Variants in NUCKS1 observed in about 807,000 individuals in gnomAD.
NUCKS1 encodes nuclear casein kinase and cyclin dependent kinase substrate 1.
In NUCKS1, 2 loss-of-function variants were observed where a neutral mutation model predicts 33.0. The ratio of observed to expected loss-of-function variants is 0.06; its 90% CI spans 0.02 to 0.19. The LOEUF (loss-of-function observed/expected upper bound fraction) is 0.19, where lower values mean the gene tolerates loss of function less well. Ranked by LOEUF, NUCKS1 falls within the 10% of genes least tolerant of loss-of-function variation. The pLI, the probability that NUCKS1 is intolerant of heterozygous loss-of-function variation, is 1.00. For synonymous variants in NUCKS1, 106 were observed against 102.8 expected, an observed-to-expected ratio of 1.03 and a Z score of -0.19; for missense variants, 201 against 293.6, an observed-to-expected ratio of 0.68 and a Z score of 2.31.
intron 1 of NUCKS1, among the ~76,000 whole-genome samples, chr1:205,738,226 T>G (rs973910627): frequency 6.6e-6 from 1 of 151,936 alleles, no homozygotes; most frequent in Non-Finnish European, 1.5e-5. Context: ...CAGGGTTCCA[T>G]CATGTTGGCC....
Position 205,718,155 on chromosome 1 carries a change from G to T in NUCKS1, c.*125C>A. ...CAACAAATGGAAAAAAGCACTGAAA[G>T]CCCATGAGTCAAGCCATAGCCAAAA... On this transcript the variant is annotated 3_prime_UTR_variant, in exon 7 of 7. Transcript: ENST00000367142. 1 of 1,315,700 alleles carries T rather than the reference G, an allele frequency of 7.6e-7. No homozygotes were observed. Among genetic ancestry groups the T allele is most frequent in the African/African-American group, 1.5e-5 (1 of 64,994 alleles). 81.5% of individuals were successfully genotyped at this position (1,315,700 alleles called of 1,614,324 possible).
chr1:205,736,785 C>T (rs1194602629), intron 1 of NUCKS1, among the ~76,000 whole-genome samples: 1 of 151,152 alleles, frequency 6.6e-6, no homozygotes, highest in Non-Finnish European at 1.5e-5. Flanking sequence ...GAGCCGAGAT[C>T]ACGCCACTGC....
At chr1:205,730,719 G>A (rs1308265824) in intron 1 of NUCKS1, among the ~76,000 whole-genome samples, 2 of 151,908 alleles carry the variant, frequency 1.3e-5, no homozygotes, top group African/African-American at 2.4e-5. Context: ...CCCTGATCTC[G>A]TGATCCGCCC....
chr1:205,719,537 T>C lies in NUCKS1; in HGVS notation c.522A>G (p.Leu174=). 1 of 1,598,664 alleles carries C rather than the reference T, an allele frequency of 6.3e-7. No individual in the cohort carries two copies. Among genetic ancestry groups the C allele is most frequent in the Non-Finnish European group, 8.5e-7 (1 of 1,176,726 alleles). Residue 174 remains leucine (L), a synonymous_variant, in exon 6 of 7, where the codon CTA becomes CTG. Coordinates refer to ENST00000367142, the MANE Select transcript of NUCKS1 (RefSeq NM_022731.5). The stretch of plus-strand genomic sequence containing the variant: ...TTCTGCAGAAATTACCTGTAGCCTT[T>C]AGTCTGGGTTTGGGCATTTTCTTTT... ...RKEKKMPKPR[L]KATVTPSPVK...
rs768834692 is a variant in NUCKS1 at position 205,718,436 on chromosome 1, G to A, written c.576C>T (p.Pro192=). The A allele has an allele frequency of 6.8e-6, 11 of 1,612,240 alleles. No individual in the cohort carries two copies. The South Asian group carries it at 1.1e-4, about 16-fold the overall frequency. The change falls in exon 7 of 7, where the codon CCC becomes CCT. Residue 192 remains proline, a synonymous_variant. Transcript: ENST00000367142. ...PVKGKGKVGR[P]TASKASKEKT... ...TTTCCTTTGATGCCTTTGAAGCTGT[G>A]GGGCGACCCACTTTCCCTTTGCCTT...
chr1:205,729,881 C>T (rs557304083), intron 1 of NUCKS1, among the ~76,000 whole-genome samples: 1 of 151,898 alleles, frequency 6.6e-6, no homozygotes, highest in African/African-American at 2.4e-5. Context: ...ATTAGCCAAG[C>T]GTGGTGGTGC....
intron 1 of NUCKS1, among the ~76,000 whole-genome samples, chr1:205,745,918 A>G (rs1654309340): frequency 6.6e-6 from 1 of 152,232 alleles, no homozygotes; most frequent in Non-Finnish European, 1.5e-5. Flanking sequence ...CATTTTAAAC[A>G]TTTAAAATGA....
rs1347922185 is a variant in NUCKS1 at position 205,716,862 on chromosome 1, GGCCTCCTAAAAT to G, written c.*1406_*1417del. ...AAAAGTCGGTTTTCAACTGCACACA[GGCCTCCTAAAAT>G]GCCTTGTTTCTCTAGTCCCTCCTGC... On this transcript the variant is annotated 3_prime_UTR_variant, in exon 7 of 7. Coordinates refer to ENST00000367142, the MANE Select transcript of NUCKS1 (RefSeq NM_022731.5). The G allele has an allele frequency of 1.3e-5, 2 of 152,140 alleles. No individual in the cohort carries two copies. Among genetic ancestry groups the G allele is most frequent in the Non-Finnish European group, 2.9e-5 (2 of 68,042 alleles). The allele number at this position is 152,140 out of a possible 1,614,324, so 9.4% of individuals were successfully genotyped here.
chr1:205,735,592 A>AAG (rs1654014449), intron 1 of NUCKS1, among the ~76,000 whole-genome samples: 1 of 152,206 alleles, frequency 6.6e-6, no homozygotes, highest in South Asian at 2.1e-4. Context: ...CCTGACTCTT[A>AAG]CTAGTTGTAT....
intron 1 of NUCKS1, among the ~76,000 whole-genome samples, chr1:205,745,000 A>G (rs1389908735): frequency 6.6e-6 from 1 of 152,196 alleles, no homozygotes; most frequent in African/African-American, 2.4e-5. Context: ...ACATTACTAT[A>G]CAGTACATGC....
In NUCKS1 at chr1:205,720,610, T is replaced by C. The variant is rs778936457; in HGVS notation, c.273A>G (p.Gln91=). The C allele has an allele frequency of 5.6e-6, 9 of 1,614,036 alleles. No individual in the cohort carries two copies. The highest frequency in any genetic ancestry group is 3.3e-5 in the South Asian group (3 of 91,076). ...DEKEDHKNVR[Q]QRQAASKAAS... is the part of the protein sequence containing the mutation. ...CTGCTTTAGATGCCGCCTGCCGTTG[T>C]TGGCGCACATTTTTATGATCTTCTT... Residue 91 remains glutamine (Q), a synonymous_variant, in exon 5 of 7, where the codon CAA becomes CAG. Transcript: ENST00000367142.
intron 1 of NUCKS1, among the ~76,000 whole-genome samples, chr1:205,739,627 T>G (rs1161732253): frequency 6.6e-6 from 1 of 151,972 alleles, no homozygotes; most frequent in Non-Finnish European, 1.5e-5. Flanking sequence ...AGGCACTGGC[T>G]AATTTTTTTG....
intron 1 of NUCKS1, among the ~76,000 whole-genome samples, chr1:205,749,332 C>CG (rs35167882): frequency 1.3e-4 from 20 of 152,274 alleles, no homozygotes; most frequent in South Asian, 2.1e-4. Context: ...CACTTTTGCC[C>CG]GGGGGGAAAA....
rs1162133304 is a variant in NUCKS1, at chr1:205,715,824, T to A, written c.*2456A>T. 1 of 152,142 alleles carries A rather than the reference T, an allele frequency of 6.6e-6. No individual in the cohort carries two copies. Among genetic ancestry groups the A allele is most frequent in the Non-Finnish European group, 1.5e-5 (1 of 68,028 alleles). 9.4% of individuals were successfully genotyped at this position (152,142 alleles called of 1,614,324 possible). On this transcript the variant is annotated 3_prime_UTR_variant, in exon 7 of 7. Transcript: ENST00000367142. ...AGTCAAGGATGGTGCCAATGGCCAG[T>A]CAGTATCGGCTTACAGCTTGTAATG...
At chr1:205,748,331 T>C (rs1487513138) in intron 1 of NUCKS1, among the ~76,000 whole-genome samples, 1 of 152,150 alleles carries the variant, frequency 6.6e-6, no homozygotes, top group Non-Finnish European at 1.5e-5. Flanking sequence ...TTATTTTTCC[T>C]AATTTGACCT....
chr1:205,734,108 G>A (rs1340053041), intron 1 of NUCKS1, among the ~76,000 whole-genome samples: 1 of 151,830 alleles, frequency 6.6e-6, no homozygotes, highest in Non-Finnish European at 1.5e-5. Flanking sequence ...CAAACTCCTG[G>A]CCTCAAGCAA....
intron 1 of NUCKS1, among the ~76,000 whole-genome samples, chr1:205,740,821 G>GTATATA (rs10535162): frequency 2.1e-5 from 3 of 145,262 alleles, no homozygotes; most frequent in African/African-American, 7.6e-5. Context: ...CTCCTACTAA[G>GTATATA]TATATATATA....
chr1:205,725,807 T>C (rs1477624771), intron 3 of NUCKS1, among the ~76,000 whole-genome samples: 2 of 152,216 alleles, frequency 1.3e-5, no homozygotes, highest in Non-Finnish European at 1.5e-5. Context: ...TAGATGTTAA[T>C]TATGTCAATG....
chr1:205,721,394 G>A (rs1427976976), intron 4 of NUCKS1, among the ~76,000 whole-genome samples: 1 of 152,182 alleles, frequency 6.6e-6, no homozygotes, highest in Non-Finnish European at 1.5e-5. Flanking sequence ...GTAATTTTAA[G>A]CAGTAGACAA....
Sources: gnomAD v4.1 joint callset for allele counts (sites outside exome capture counted in the v4.1 genomes callset) on GRCh38, gnomAD v4.1.1 for gene constraint, MANE v1.5 for transcripts, NCBI Gene and HGNC (gene_info 2026-07-23, HGNC 2026-07-21) for gene names.